FANK1: variants seen among roughly 807,000 people sequenced by gnomAD.
FANK1 encodes the protein fibronectin type 3 and ankyrin repeat domains protein 1.
FANK1 carries 44 observed loss-of-function variants against 45.3 expected under a neutral mutation model. The observed-to-expected ratio is 0.97, with a 90% confidence interval of 0.76 to 1.25. The LOEUF (loss-of-function observed/expected upper bound fraction) is 1.25. Among genes scored for constraint, FANK1 ranks in the 50% most tolerant of loss-of-function variants. The pLI is 0.00. For missense variants in FANK1, 391 were observed against 424.4 expected, an observed-to-expected ratio of 0.92 and a Z score of 0.69; for synonymous variants, 149 against 152.5, an observed-to-expected ratio of 0.98 and a Z score of 0.17.
chr10:125,969,202 G>T (rs559964764), intron 1 of FANK1, among the ~76,000 whole-genome samples: 1 of 150,506 alleles, frequency 6.6e-6, no homozygotes, highest in South Asian at 2.1e-4. Flanking sequence ...TGAACATAAG[G>T]TCTCCTTTTT....
chr10:125,912,022 C>A (rs865882506), intron 1 of FANK1, among the ~76,000 whole-genome samples: 1 of 152,182 alleles, frequency 6.6e-6, no homozygotes, highest in East Asian at 1.9e-4. Context: ...AATGTTAGAA[C>A]TAAAATATCC....
At chr10:125,914,535 A>G (rs1946296594) in intron 1 of FANK1, among the ~76,000 whole-genome samples, 1 of 152,212 alleles carries the variant, frequency 6.6e-6, no homozygotes, top group Non-Finnish European at 1.5e-5. Flanking sequence ...GATTGGTCCA[A>G]AGCAATGTTT....
chr10:125,926,701 A>G (rs1156634270), intron 1 of FANK1, among the ~76,000 whole-genome samples: 1 of 152,152 alleles, frequency 6.6e-6, no homozygotes, highest in African/African-American at 2.4e-5. Flanking sequence ...AGTTTTATCC[A>G]TATATTCACC....
intron 1 of FANK1, among the ~76,000 whole-genome samples, chr10:125,903,246 A>G (rs112181837): frequency 7.9e-5 from 12 of 152,198 alleles, no homozygotes; most frequent in African/African-American, 2.7e-4. Context: ...TGTGCATACC[A>G]GCATCATCCC....
intron 1 of FANK1, among the ~76,000 whole-genome samples, chr10:125,896,865 C>G (rs76246704): frequency 1.6e-5 from 2 of 124,220 alleles, no homozygotes; most frequent in Non-Finnish European, 3.4e-5. Flanking sequence ...CGCCGGCGCC[C>G]TAGAGTCCGC....
chr10:125,993,956 A>G (rs532404317), intron 3 of FANK1, among the ~76,000 whole-genome samples: 1 of 152,304 alleles, frequency 6.6e-6, no homozygotes, highest in East Asian at 1.9e-4. Flanking sequence ...CTGTTTTCCC[A>G]GTTTGTACAT....
chr10:125,907,776 C>CCT (rs1945657930), intron 1 of FANK1, among the ~76,000 whole-genome samples: 1 of 152,038 alleles, frequency 6.6e-6, no homozygotes, highest in Non-Finnish European at 1.5e-5. Flanking sequence ...GTGTCTAGGA[C>CCT]CTGAGGGTGG....
chr10:125,911,970 A>G (rs1359346748), intron 1 of FANK1, among the ~76,000 whole-genome samples: 1 of 152,236 alleles, frequency 6.6e-6, no homozygotes, highest in Non-Finnish European at 1.5e-5. Flanking sequence ...TGCGATGTAG[A>G]ATCCATTCTA....
At chr10:125,978,692 A>G (rs1951002645) in intron 1 of FANK1, among the ~76,000 whole-genome samples, 1 of 152,154 alleles carries the variant, frequency 6.6e-6, no homozygotes, top group Non-Finnish European at 1.5e-5. Flanking sequence ...AGAATGGCTA[A>G]GGTGCCCAAA....
chr10:125,958,690 T>C (rs1949732306), intron 1 of FANK1, among the ~76,000 whole-genome samples: 1 of 151,254 alleles, frequency 6.6e-6, no homozygotes, highest in Non-Finnish European at 1.5e-5. Context: ...TCCAGTGAGG[T>C]GATACCTCAC....
chr10:125,975,905 G>C (rs1564932896), intron 1 of FANK1, among the ~76,000 whole-genome samples: 1 of 152,140 alleles, frequency 6.6e-6, no homozygotes, highest in African/African-American at 2.4e-5. Context: ...TTGTTTGTGT[G>C]GTTGCTTTAC....
chr10:125,919,778 C>G (rs1032992743), intron 1 of FANK1, among the ~76,000 whole-genome samples: 2 of 152,166 alleles, frequency 1.3e-5, no homozygotes, highest in African/African-American at 4.8e-5. Flanking sequence ...TCATTTGGCA[C>G]TTCTTTCTGG....
chr10:126,001,953 G>C (rs537796299), intron 6 of FANK1, among the ~76,000 whole-genome samples: 1 of 152,204 alleles, frequency 6.6e-6, no homozygotes, highest in East Asian at 1.9e-4. Context: ...GGGTGACTCT[G>C]ATATGGGATT....
intron 1 of FANK1, among the ~76,000 whole-genome samples, chr10:125,952,154 A>G (rs1047599336): frequency 2.0e-5 from 3 of 152,152 alleles, no homozygotes; most frequent in Admixed American, 6.5e-5. Flanking sequence ...TTTGTGTCCT[A>G]CAAACCCAGG....
At chr10:125,979,909 A>C in intron 1 of FANK1, 1 of 602,116 alleles carries the variant, frequency 1.7e-6, no homozygotes. Flanking sequence ...TGGAAGGGTC[A>C]GTGGGGGTGG....
intron 1 of FANK1, among the ~76,000 whole-genome samples, chr10:125,940,854 G>C (rs1431640961): frequency 6.6e-6 from 1 of 152,204 alleles, no homozygotes; most frequent in Admixed American, 6.5e-5. Context: ...CATACTGCCT[G>C]TAAACATATT....
chr10:125,903,011 A>G (rs556570812), intron 1 of FANK1, among the ~76,000 whole-genome samples: 593 of 152,376 alleles, frequency 3.9e-3, no homozygotes, highest in Non-Finnish European at 6.9e-3. Context: ...CCCCATCAAA[A>G]TGGTAAAATT....
intron 1 of FANK1, among the ~76,000 whole-genome samples, chr10:125,916,015 T>C (rs1946419097): frequency 6.6e-6 from 1 of 152,172 alleles, no homozygotes. Context: ...CTCCTCTGTG[T>C]AATATGAGAA....
At chr10:125,932,320 T>C (rs1947806348) in intron 1 of FANK1, among the ~76,000 whole-genome samples, 1 of 152,238 alleles carries the variant, frequency 6.6e-6, no homozygotes, top group Admixed American at 6.5e-5. Context: ...ATATTGATCG[T>C]ACCCATCCAT....
Sources: gnomAD v4.1 joint callset for allele counts (sites outside exome capture counted in the v4.1 genomes callset) on GRCh38, gnomAD v4.1.1 for gene constraint, MANE v1.5 for transcripts, NCBI Gene and HGNC (gene_info 2026-07-23, HGNC 2026-07-21) for gene names.